The following RAD51B variants were observed in gnomAD, a reference collection of about 807,000 sequenced individuals.
RAD51B encodes RAD51 paralog B.
RAD51B carries 38 observed loss-of-function variants against 42.2 expected under a neutral mutation model. That is an observed-to-expected ratio of 0.90 (90% CI 0.70 to 1.18). RAD51B has a LOEUF of 1.18. Ranked by LOEUF, RAD51B falls within the 50% of genes most tolerant of loss-of-function variation. RAD51B has a pLI of 0.00. For missense variants in RAD51B, 373 were observed against 400.7 expected, an observed-to-expected ratio of 0.93 and a Z score of 0.59; for synonymous variants, 154 against 145.2, an observed-to-expected ratio of 1.06 and a Z score of -0.43.
chr14:68,121,025 T>G (rs2140630833), intron 7 of RAD51B, among the ~76,000 whole-genome samples: 1 of 152,284 alleles, frequency 6.6e-6, no homozygotes, highest in East Asian at 1.9e-4. Flanking sequence ...TTAGAGAAGG[T>G]ATAATGTAAA....
chr14:68,049,885 G>A (rs946902871), intron 7 of RAD51B, among the ~76,000 whole-genome samples: 2 of 152,110 alleles, frequency 1.3e-5, no homozygotes, highest in African/African-American at 4.8e-5. Flanking sequence ...GTCTTTTGAG[G>A]TCTTCTGTAA....
rs371965809 is a variant in RAD51B at position 68,004,298 on chromosome 14, A to G, written c.756+117094A>G. Among the ~76,000 whole-genome samples, 18 of 143,312 alleles carry G rather than the reference A, an allele frequency of 1.3e-4. No homozygotes were observed. In the South Asian group the frequency reaches 4.0e-3, roughly 32 times the overall value. The allele number at this position is 143,312 out of a possible 152,430, so 94.0% of individuals were successfully genotyped here. A position where few individuals can be genotyped will look rare whatever the true frequency, so the allele number is the denominator to read the frequency against. ...CAGTGAGCTGAGATCGCGCCACTGC[A>G]CTCCAGCCTGGGCAACACAGCAAGA... On this transcript the variant is annotated intron_variant, in intron 7 of 10. Transcript: ENST00000471583.
At chr14:68,617,171 ATGTT>A (rs1452433271) in intron 10 of RAD51B, among the ~76,000 whole-genome samples, 2 of 152,056 alleles carry the variant, frequency 1.3e-5, no homozygotes, top group Non-Finnish European at 2.9e-5. Context: ...ACATTGTTGA[ATGTT>A]TGTATATTTT....
At chr14:68,334,051 T>C (rs1566815078) in intron 8 of RAD51B, among the ~76,000 whole-genome samples, 1 of 152,110 alleles carries the variant, frequency 6.6e-6, no homozygotes, top group Non-Finnish European at 1.5e-5. Context: ...GTGCCCGGCT[T>C]ATTTCATTTA....
intron 7 of RAD51B, among the ~76,000 whole-genome samples, chr14:68,048,482 T>C (rs1044328777): frequency 6.6e-6 from 1 of 152,188 alleles, no homozygotes; most frequent in African/African-American, 2.4e-5. Context: ...TTTGTTGCCA[T>C]TGCTTTTGGT....
intron 7 of RAD51B, among the ~76,000 whole-genome samples, chr14:68,077,815 G>T (rs1471071264): frequency 6.6e-6 from 1 of 152,214 alleles, no homozygotes; most frequent in African/African-American, 2.4e-5. Context: ...AACTAGCCGG[G>T]TGTCGTGGCG....
chr14:67,821,497 C>T (rs938822763), intron 1 of RAD51B, among the ~76,000 whole-genome samples: 1 of 152,086 alleles, frequency 6.6e-6, no homozygotes, highest in Non-Finnish European at 1.5e-5. Context: ...TCAGTCTGTT[C>T]CCCAGGCTAG....
intron 5 of RAD51B, among the ~76,000 whole-genome samples, chr14:67,883,526 T>A (rs1233730025): frequency 6.6e-6 from 1 of 152,210 alleles, no homozygotes; most frequent in Non-Finnish European, 1.5e-5. Context: ...TCTTGTGTGC[T>A]GTTTCACTGG....
chr14:67,825,337 A>G (rs910958986), intron 2 of RAD51B, 127 bp from the exon 3 acceptor site: 9 of 579,426 alleles, frequency 1.6e-5, no homozygotes, highest in Admixed American at 3.5e-5. Context: ...CAATGAATGT[A>G]TAAATCTTTG....
intron 9 of RAD51B, chr14:68,421,876 T>G (rs2084709325): frequency 1.3e-6 from 2 of 1,593,852 alleles, no homozygotes; most frequent in Non-Finnish European, 1.7e-6. Context: ...GAACCATTTG[T>G]GTTGGGTCCA....
intron 7 of RAD51B, among the ~76,000 whole-genome samples, chr14:68,071,703 G>C (rs1054574137): frequency 1.3e-5 from 2 of 152,104 alleles, no homozygotes; most frequent in East Asian, 1.9e-4. Flanking sequence ...ATGTTCATCA[G>C]GAATATTGGC....
intron 7 of RAD51B, among the ~76,000 whole-genome samples, chr14:68,090,767 T>A (rs931553716): frequency 2.0e-5 from 3 of 151,712 alleles, no homozygotes; most frequent in Non-Finnish European, 2.9e-5. Context: ...TTGTTACATA[T>A]GTATACATGT....
At position 68,549,409 on chromosome 14, in the gene RAD51B, A is replaced by ATTTTTTTTTTTTTTT. The variant is rs71129897; in HGVS notation, c.1037-45066_1037-45052dup. 1.9e-4 allele frequency among the ~76,000 whole-genome samples: 12 copies of ATTTTTTTTTTTTTTT among 63,576 alleles called. 1 individual carries two copies. Among genetic ancestry groups the ATTTTTTTTTTTTTTT allele is most frequent in the Non-Finnish European group, 2.6e-4 (8 of 30,636 alleles). The allele number at this position is 63,576 out of a possible 152,430, so 41.7% of individuals were successfully genotyped here. A position where few individuals can be genotyped will look rare whatever the true frequency, so the allele number is the denominator to read the frequency against. On this transcript the variant is annotated intron_variant, in intron 10 of 10. Coordinates refer to the RAD51B transcript ENST00000487270. Reference sequence around the variant, plus strand: ...AGTGCTTCATCCATGCCCTGGACACATTTTTTTTTTTTTTTTTTTTTTTTG... The same window carrying ATTTTTTTTTTTTTTT: ...AGTGCTTCATCCATGCCCTGGACACATTTTTTTTTTTTTTTTTTTTTTTTTTTTTTTTTTTTTTTG...
downstream of RAD51B, among the ~76,000 whole-genome samples, chr14:68,613,138 AGG>A (rs1350871989): frequency 2.0e-5 from 3 of 152,220 alleles, no homozygotes; most frequent in Non-Finnish European, 4.4e-5. Flanking sequence ...AGTGGAGGCC[AGG>A]CGTGGTGGCT....
chr14:67,992,113 G>A (rs1473217446), intron 7 of RAD51B, among the ~76,000 whole-genome samples: 1 of 152,166 alleles, frequency 6.6e-6, no homozygotes, highest in East Asian at 1.9e-4. Flanking sequence ...TTTATTCTAT[G>A]CATCGGACTA....
chr14:67,874,422 ATT>A (rs35854324), intron 5 of RAD51B, among the ~76,000 whole-genome samples: 1 of 149,228 alleles, frequency 6.7e-6, no homozygotes. Flanking sequence ...TTTTTTTGTG[ATT>A]TTTTTTTTTA....
chr14:68,014,376 T>G (rs1346029696), intron 7 of RAD51B, among the ~76,000 whole-genome samples: 6 of 152,092 alleles, frequency 3.9e-5, no homozygotes, highest in Admixed American at 2.0e-4. Flanking sequence ...AACCCATTAG[T>G]GCTATCTTCA....
chr14:68,429,311 A>G (rs905681859), intron 9 of RAD51B, among the ~76,000 whole-genome samples: 33 of 152,242 alleles, frequency 2.2e-4, no homozygotes, highest in African/African-American at 7.7e-4. Context: ...CTAGTTCTAG[A>G]TCCTTGAGGA....
In RAD51B at chr14:68,192,920, C is replaced by A. The variant is rs1211616845; in HGVS notation, c.757-98964C>A. On this transcript the variant is annotated intron_variant, in intron 7 of 10. Coordinates refer to ENST00000471583, the MANE Select transcript of RAD51B (RefSeq NM_133510.4). ...GGAATTTAGTGATAGGTTATATTTT[C>A]AAATGTGTTGATTGTCAGCTTCATC... Among the ~76,000 whole-genome samples, 3 of 152,160 alleles carry A rather than the reference C, an allele frequency of 2.0e-5. No homozygotes were observed. In the East Asian group the frequency reaches 5.8e-4, roughly 29 times the overall value.
Sources: allele counts gnomAD v4.1 joint callset (sites outside exome capture counted in the v4.1 genomes callset), GRCh38; gene constraint gnomAD v4.1.1; transcripts MANE v1.5; gene names NCBI Gene and HGNC (gene_info 2026-07-23, HGNC 2026-07-21).